The following WDR25 variants were observed in gnomAD, a reference collection of about 807,000 sequenced individuals.
The protein encoded by WDR25 is WD repeat-containing protein 25.
A neutral mutation model predicts 47.7 loss-of-function variants in WDR25; 35 were observed. The ratio of observed to expected loss-of-function variants is 0.73; its 90% confidence interval spans 0.56 to 0.97. The LOEUF (loss-of-function observed/expected upper bound fraction) is 0.97. Ranked by LOEUF, WDR25 falls within the 50% of genes least tolerant of loss-of-function variation. WDR25 has a pLI of 0.00. For missense variants in WDR25, 634 were observed against 704.7 expected, an observed-to-expected ratio of 0.90 and a Z score of 1.14; for synonymous variants, 248 against 278.9, an observed-to-expected ratio of 0.89 and a Z score of 1.10.
intron 2 of WDR25, among the ~76,000 whole-genome samples, chr14:100,415,168 A>G (rs1897835022): frequency 6.6e-6 from 1 of 152,150 alleles, no homozygotes; most frequent in African/African-American, 2.4e-5. Context: ...GCTACTAAGG[A>G]TGAGATGGTG....
At chr14:100,503,044 CGTGTGTGTGTGTGCGTGT>C (rs1305092000) in intron 4 of WDR25, among the ~76,000 whole-genome samples, 1 of 150,142 alleles carries the variant, frequency 6.7e-6, no homozygotes, top group Non-Finnish European at 1.5e-5. Flanking sequence ...TGTCTGTGTC[CGTGTGTGTGTGTGCGTGT>C]GTGTGTGTGT....
chr14:100,442,204 G>A (rs919955177), intron 2 of WDR25, among the ~76,000 whole-genome samples: 1 of 152,104 alleles, frequency 6.6e-6, no homozygotes, highest in Admixed American at 6.5e-5. Context: ...CTGATGAATT[G>A]AACACTTCCT....
At chr14:100,503,770 A>T (rs758205631) in intron 4 of WDR25, 1 of 152,230 alleles carries the variant, frequency 6.6e-6, no homozygotes, top group Non-Finnish European at 1.5e-5. Flanking sequence ...CAGATGGGAC[A>T]GATGCATGCT....
chr14:100,464,263 C>T (rs992997857), intron 2 of WDR25, among the ~76,000 whole-genome samples: 1 of 152,242 alleles, frequency 6.6e-6, no homozygotes, highest in Non-Finnish European at 1.5e-5. Flanking sequence ...TTTCTCACCC[C>T]TTCAGGACTT....
rs747045439 is a variant in WDR25, at chr14:100,529,858, C to A, written c.1452C>A (p.Gly484=). The A allele has an allele frequency of 6.1e-5, 99 of 1,612,892 alleles. No homozygotes were observed. Among genetic ancestry groups the A allele is most frequent in the Non-Finnish European group, 8.4e-5 (99 of 1,180,002 alleles). The part of the protein sequence containing the change: ...GYSVGCECSP[G]GDLLVTGSAD... Reference sequence around the variant, plus strand: ...CAGTGGGCTGCGAGTGCTCCCCAGGCGGTGACTTGCTGGTGACGGGCAGCG... The same window carrying A: ...CAGTGGGCTGCGAGTGCTCCCCAGGAGGTGACTTGCTGGTGACGGGCAGCG... The change falls in exon 7 of 7, where the codon GGC becomes GGA. Residue 484 remains glycine (G), a synonymous_variant. Transcript: ENST00000402312. This position sits in a 1 kb window ranked among gnomAD's most constrained non-coding sequence, Gnocchi z 5.1.
At position 100,484,133 on chromosome 14, in the gene WDR25, C is replaced by T; in HGVS notation, c.1101+9C>T. ...ATATAAGGACTGGCAAGGTAATAGCCATATTCCTAACTTGGCCTTTCCACA... is the reference window on the plus strand; with the variant it reads ...ATATAAGGACTGGCAAGGTAATAGCTATATTCCTAACTTGGCCTTTCCACA... On this transcript the variant is annotated intron_variant, in intron 4 of 6. Transcript: ENST00000402312. 1 of 1,605,674 alleles carries T rather than the reference C, an allele frequency of 6.2e-7. No individual in the cohort carries two copies. Among genetic ancestry groups the T allele is most frequent in the Non-Finnish European group, 8.5e-7 (1 of 1,177,304 alleles).
intron 2 of WDR25, chr14:100,454,556 A>C (rs1899140599): frequency 1.3e-6 from 1 of 759,212 alleles, no homozygotes; most frequent in Non-Finnish European, 2.0e-6. Flanking sequence ...GGTATTGGAG[A>C]GCAAAAAAAA....
intron 4 of WDR25, among the ~76,000 whole-genome samples, chr14:100,489,727 T>C (rs1428991824): frequency 6.6e-6 from 1 of 152,140 alleles, no homozygotes; most frequent in Non-Finnish European, 1.5e-5. Context: ...TTGGGCAGGC[T>C]AGGGGTCGAG....
At chr14:100,437,527 C>A (rs1898537073) in intron 2 of WDR25, among the ~76,000 whole-genome samples, 1 of 152,140 alleles carries the variant, frequency 6.6e-6, no homozygotes, top group South Asian at 2.1e-4. Flanking sequence ...CTTCTGGCAG[C>A]CTTGATTTCC....
Position 100,431,607 on chromosome 14 carries a change from G to A in WDR25, c.823-36414G>A, listed in dbSNP as rs529294154. 2.5e-3 allele frequency among the ~76,000 whole-genome samples: 383 copies of A among 150,952 alleles called. 2 individuals are homozygous for A. Among genetic ancestry groups the A allele is most frequent in the Middle Eastern group, 6.8e-3 (2 of 294 alleles). On this transcript the variant is annotated intron_variant, in intron 2 of 6. Coordinates refer to ENST00000402312, the MANE Select transcript of WDR25 (RefSeq NM_001161476.3). ...TGTTGCCCAGGCTGGAGTGCAATGG[G>A]ACGATCTCTGCTCACTGCAACCTCC...
At position 100,411,186 on chromosome 14, in the gene WDR25, C is replaced by T. The variant is rs571198577; in HGVS notation, c.822+29440C>T. 1.3e-4 allele frequency among the ~76,000 whole-genome samples: 20 copies of T among 152,254 alleles called. 1 individual carries two copies. Among genetic ancestry groups the T allele is most frequent in the South Asian group, 1.2e-3 (6 of 4,822 alleles). On this transcript the variant is annotated intron_variant, in intron 2 of 6. Coordinates refer to ENST00000402312, the MANE Select transcript of WDR25 (RefSeq NM_001161476.3). ...TAAGCCATTTAATGGTAGATCCATT[C>T]CTGAAGGCCATGTTGCTTTGTGCTA...
intron 3 of WDR25, 55 bp from the exon 4 acceptor site, chr14:100,483,939 A>T: frequency 6.4e-7 from 1 of 1,554,820 alleles, no homozygotes; most frequent in Non-Finnish European, 8.7e-7. Context: ...GTTTTAAGAT[A>T]TTTGTTTTGT....
intron 2 of WDR25, among the ~76,000 whole-genome samples, chr14:100,444,392 G>A (rs1395790158): frequency 1.3e-5 from 2 of 152,198 alleles, no homozygotes; most frequent in African/African-American, 4.8e-5. Context: ...GCAGGGAACC[G>A]CAGGATGGAC....
At chr14:100,471,384 C>A (rs933946949) in intron 3 of WDR25, among the ~76,000 whole-genome samples, 1 of 152,222 alleles carries the variant, frequency 6.6e-6, no homozygotes, top group African/African-American at 2.4e-5. Flanking sequence ...CTATGTCTCC[C>A]CCTATGTCTC....
rs1595149483 is a variant in WDR25 at position 100,498,871 on chromosome 14, C to T, written c.1101+14747C>T. 6.6e-6 allele frequency among the ~76,000 whole-genome samples: 1 copy of T among 152,218 alleles called. No homozygotes were observed. Among genetic ancestry groups the T allele is most frequent in the African/African-American group, 2.4e-5 (1 of 41,462 alleles). On this transcript the variant is annotated intron_variant, in intron 4 of 6. Transcript: ENST00000402312. The surrounding 1 kb of genome is among the most constrained non-coding windows in gnomAD (Gnocchi z 4.2). ...AAGGTGCCATGCGGGCCAGTGGCAG[C>T]CCTGTCCCTCCCCTTCTGTCTCTTA...
intron 4 of WDR25, among the ~76,000 whole-genome samples, chr14:100,489,214 A>G (rs1900483468): frequency 6.6e-6 from 1 of 152,248 alleles, no homozygotes; most frequent in African/African-American, 2.4e-5. Flanking sequence ...GTAGTTCTCC[A>G]CTGAGGCTGA....
intron 2 of WDR25, among the ~76,000 whole-genome samples, chr14:100,402,149 C>T (rs1177174131): frequency 6.6e-6 from 1 of 152,156 alleles, no homozygotes; most frequent in Non-Finnish European, 1.5e-5. Context: ...TTATTCTACC[C>T]CTCAGAAGGT....
At chr14:100,520,902 G>A (rs2140382522) in intron 4 of WDR25, among the ~76,000 whole-genome samples, 1 of 152,252 alleles carries the variant, frequency 6.6e-6, no homozygotes, top group Non-Finnish European at 1.5e-5. Context: ...CTGTGCTTCA[G>A]GTCTTTTAAA....
intron 4 of WDR25, among the ~76,000 whole-genome samples, chr14:100,511,539 A>G (rs1901311894): frequency 6.6e-6 from 1 of 151,740 alleles, no homozygotes; most frequent in Admixed American, 6.6e-5. Flanking sequence ...TCTCTCTCTC[A>G]TCTATTTTCT....
Sources: gnomAD v4.1 joint callset for allele counts (sites outside exome capture counted in the v4.1 genomes callset) on GRCh38, gnomAD v4.1.1 for gene constraint, Gnocchi (gnomAD v3.1) non-coding constraint, MANE v1.5 for transcripts, NCBI Gene and HGNC (gene_info 2026-07-23, HGNC 2026-07-21) for gene names.